WDR89: variants seen among roughly 807,000 people sequenced by gnomAD.
WDR89 encodes WD repeat domain 89, also known as WD repeat-containing protein 89.
A neutral mutation model predicts 29.1 loss-of-function variants in WDR89; 17 were observed. The observed-to-expected ratio is 0.58, with a 90% CI of 0.40 to 0.88. The LOEUF (loss-of-function observed/expected upper bound fraction) is 0.88. Ranked by LOEUF, WDR89 falls within the 40% of genes least tolerant of loss-of-function variation. WDR89 has a pLI of 0.00. For missense variants in WDR89, 396 were observed against 456.3 expected (o/e 0.87, Z 1.20); for synonymous variants, 138 against 157.8 (o/e 0.87, Z 0.94).
chr14:63,631,056 G>A (rs1005187014), intron 1 of WDR89, among the ~76,000 whole-genome samples: 2 of 152,052 alleles, frequency 1.3e-5, no homozygotes, highest in African/African-American at 4.8e-5. Context: ...GGAACCACTG[G>A]GCCCAGCCTG....
chr14:63,627,036 A>G (rs1375815502), intron 1 of WDR89, among the ~76,000 whole-genome samples: 1 of 151,908 alleles, frequency 6.6e-6, no homozygotes, highest in Non-Finnish European at 1.5e-5. Flanking sequence ...TCAGAGGATC[A>G]CTTGAGGCTA....
At chr14:63,618,047 T>C (rs2139531174) in intron 2 of WDR89, 1 of 152,306 alleles carries the variant, frequency 6.6e-6, no homozygotes, top group East Asian at 1.9e-4. Flanking sequence ...ACCATGGTGC[T>C]CGCTTCTGCA....
chr14:63,610,568 T>C (rs540623590), intron 2 of WDR89, among the ~76,000 whole-genome samples: 1 of 152,278 alleles, frequency 6.6e-6, no homozygotes, highest in East Asian at 1.9e-4. Context: ...ATATGTCATG[T>C]TCCTATCATG....
At chr14:63,627,758 AGT>A (rs1202479084) in intron 1 of WDR89, among the ~76,000 whole-genome samples, 1 of 152,128 alleles carries the variant, frequency 6.6e-6, no homozygotes, top group Non-Finnish European at 1.5e-5. Flanking sequence ...TCTTCTTATA[AGT>A]GAGTATCACT....
At chr14:63,606,375 GTGTT>G (rs1256176573) in intron 2 of WDR89, among the ~76,000 whole-genome samples, 3 of 152,210 alleles carry the variant, frequency 2.0e-5, no homozygotes, top group Non-Finnish European at 4.4e-5. Flanking sequence ...GCTGTACAAT[GTGTT>G]TGTGTTTTAA....
chr14:63,640,723 G>A (rs892046133), intron 1 of WDR89, among the ~76,000 whole-genome samples: 12 of 150,128 alleles, frequency 8.0e-5, no homozygotes, highest in South Asian at 2.2e-4. Flanking sequence ...TGATCCGCCC[G>A]CCTCGGCCTC....
At chr14:63,617,119 T>C (rs1882369290) in intron 2 of WDR89, among the ~76,000 whole-genome samples, 2 of 149,366 alleles carry the variant, frequency 1.3e-5, no homozygotes, top group African/African-American at 2.5e-5. Context: ...TTGCTCTTGT[T>C]GCCCAGGCTG....
chr14:63,609,022 G>T (rs1284841713), intron 2 of WDR89, among the ~76,000 whole-genome samples: 2 of 151,744 alleles, frequency 1.3e-5, no homozygotes, highest in East Asian at 1.9e-4. Context: ...TGAGGCAAGG[G>T]AATCGCTTGA....
chr14:63,619,945 C>T (rs1295613016), intron 2 of WDR89, among the ~76,000 whole-genome samples: 1 of 141,578 alleles, frequency 7.1e-6, no homozygotes, highest in Non-Finnish European at 1.5e-5. Context: ...GCGGAGCTTG[C>T]AGTGAGCCAA....
intron 2 of WDR89, among the ~76,000 whole-genome samples, chr14:63,612,372 C>T (rs933165554): frequency 2.0e-5 from 3 of 150,310 alleles, no homozygotes; most frequent in South Asian, 2.1e-4. Flanking sequence ...GTCGCCCGGG[C>T]TAGAGTGTAG....
At chr14:63,624,508 A>AT (rs577944069) in intron 2 of WDR89, among the ~76,000 whole-genome samples, 1 of 138,096 alleles carries the variant, frequency 7.2e-6, no homozygotes, top group East Asian at 1.9e-4. Context: ...AAAAAGAAAT[A>AT]TTTAAAAAAA....
chr14:63,629,808 G>C (rs1883283735), intron 1 of WDR89, among the ~76,000 whole-genome samples: 1 of 152,120 alleles, frequency 6.6e-6, no homozygotes, highest in Admixed American at 6.6e-5. Flanking sequence ...GGTAAGAAAG[G>C]AGTTAGAACA....
Position 63,599,123 on chromosome 14 carries a change from A to C in WDR89, c.820T>G (p.Leu274Val). 6.2e-7 allele frequency: 1 copy of C among 1,614,030 alleles called. No homozygotes were observed. Among genetic ancestry groups the C allele is most frequent in the Non-Finnish European group, 8.5e-7 (1 of 1,179,978 alleles). The change falls in exon 3 of 3, where the codon TTG becomes GTG. Residue 274 changes from leucine (L) to valine (V), a missense_variant. By Grantham distance (32) the Leu-to-Val change is conservative. Transcript: ENST00000620954. ...REVVNMKEDA[L>V]DYLIGGLYHE... is the part of the protein sequence containing the mutation. ...TATAGGCCACCAATCAAATAGTCCA[A>C]AGCATCTTCTTTCATGTTAACTACT...
rs553416189 is a variant in WDR89 at position 63,632,394 on chromosome 14, G to A, written c.-137-7361C>T. On this transcript the variant is annotated intron_variant, in intron 1 of 2. Transcript: ENST00000620954. ...GCCCCTTATCCCAGCACCTTGGGAG[G>A]CTGAGGTGGATGGATCATCTGAGGC... 2.0e-5 allele frequency among the ~76,000 whole-genome samples: 3 copies of A among 152,248 alleles called. No homozygotes were observed. In the South Asian group the frequency reaches 6.2e-4, roughly 32 times the overall value.
At chr14:63,637,582 G>A (rs1278693446) in intron 1 of WDR89, among the ~76,000 whole-genome samples, 1 of 151,946 alleles carries the variant, frequency 6.6e-6, no homozygotes, top group Non-Finnish European at 1.5e-5. Context: ...ATATGTGTGT[G>A]TATATATATG....
At position 63,597,069 on chromosome 14, in the gene WDR89, G is replaced by A. The variant is rs1324903849; in HGVS notation, c.*1710C>T. On this transcript the variant is annotated 3_prime_UTR_variant, in exon 3 of 3. Transcript: ENST00000620954. ...TATAAAGGAAAGTGTTTAATTGACT[G>A]AAGAGTTCAGCATGGCCAGGGAGGC... is the stretch of plus-strand genomic sequence containing the variant. The A allele has an allele frequency of 2.0e-5, 3 of 152,194 alleles. No individual in the cohort carries two copies. Among genetic ancestry groups the A allele is most frequent in the African/African-American group, 7.2e-5 (3 of 41,446 alleles). 9.4% of individuals were successfully genotyped at this position (152,194 alleles called of 1,614,324 possible). A position where few individuals can be genotyped will look rare whatever the true frequency, so the allele number is the denominator to read the frequency against.
At chr14:63,617,560 G>A (rs1031777270) in intron 2 of WDR89, among the ~76,000 whole-genome samples, 4 of 151,556 alleles carry the variant, frequency 2.6e-5, no homozygotes, top group Admixed American at 6.6e-5. Flanking sequence ...GAATGATCTC[G>A]GCTCACTGTA....
chr14:63,598,967 A>G lies in WDR89; in HGVS notation c.976T>C (p.Ser326Pro). ...LQGGHAATVR[S>P]FCWNVQDDSL... is the part of the protein sequence containing the mutation. ...TCATCTTGCACATTCCAACAGAAAG[A>G]ACGGACTGTAGCAGCATGCCCTCCC... Residue 326 changes from serine (S) to proline (P), a missense_variant, in exon 3 of 3, where the codon TCT becomes CCT. Ser to Pro is a moderately conservative substitution (Grantham distance 74, BLOSUM62 -1). Transcript: ENST00000620954. 6.2e-7 allele frequency: 1 copy of G among 1,614,236 alleles called. No homozygotes were observed. Among genetic ancestry groups the G allele is most frequent in the Non-Finnish European group, 8.5e-7 (1 of 1,180,038 alleles).
intron 2 of WDR89, among the ~76,000 whole-genome samples, chr14:63,621,409 C>G (rs888776963): frequency 7.2e-5 from 11 of 151,906 alleles, no homozygotes; most frequent in African/African-American, 2.4e-4. Flanking sequence ...ACCAGCCTGA[C>G]CAACATGGTG....
Sources: gnomAD v4.1 joint callset for allele counts (sites outside exome capture counted in the v4.1 genomes callset) on GRCh38, gnomAD v4.1.1 for gene constraint, MANE v1.5 for transcripts, NCBI Gene and HGNC (gene_info 2026-07-23, HGNC 2026-07-21) for gene names.